The following SESN3 variants were observed in gnomAD, a reference collection of about 807,000 sequenced individuals.
The protein encoded by SESN3 is sestrin-3.
Under a neutral mutation model 55.3 loss-of-function variants are expected in SESN3, and 21 were observed. That is an observed-to-expected ratio of 0.38 (90% CI 0.27 to 0.55). The LOEUF (loss-of-function observed/expected upper bound fraction) is 0.55, where lower values mean the gene tolerates loss of function less well. Among genes scored for constraint, SESN3 ranks in the 20% least tolerant of loss-of-function variants. SESN3 has a pLI of 0.76. For missense variants in SESN3, 408 were observed against 604.3 expected (o/e 0.68, Z 3.41); for synonymous variants, 181 against 203.1 (o/e 0.89, Z 0.93).
chr11:95,226,864 T>C (rs1301045520), intron 1 of SESN3, among the ~76,000 whole-genome samples: 2 of 152,248 alleles, frequency 1.3e-5, no homozygotes, highest in Non-Finnish European at 2.9e-5. Context: ...CTTAAAAATT[T>C]AATGCAACTC....
chr11:95,215,446 G>C (rs568498593), intron 1 of SESN3, among the ~76,000 whole-genome samples: 1 of 152,122 alleles, frequency 6.6e-6, no homozygotes, highest in African/African-American at 2.4e-5. Context: ...CGATAGCTAC[G>C]GTCTGGGGGA....
intron 5 of SESN3, 66 bp downstream of exon 5, chr11:95,185,190 C>G: frequency 1.1e-6 from 1 of 895,654 alleles, no homozygotes. Context: ...AAAATTCTCT[C>G]TAGATATTTT....
Position 95,173,118 on chromosome 11 carries a change from C to CAAAAAAA in SESN3, c.*130_*136dup. 2 of 417,052 alleles carry CAAAAAAA rather than the reference C, an allele frequency of 4.8e-6. No homozygotes were observed. The highest frequency in any genetic ancestry group is 9.9e-5 in the South Asian group (2 of 20,268). 25.8% of individuals were successfully genotyped at this position (417,052 alleles called of 1,614,324 possible). A position where few individuals can be genotyped will look rare whatever the true frequency, so the allele number is the denominator to read the frequency against. ...CATTGCACATTACAGCCGCAAAAAA[C>CAAAAAAA]AAAAAAAAAAAAACAAACGGCTAAA... On this transcript the variant is annotated 3_prime_UTR_variant, in exon 10 of 10. Coordinates refer to ENST00000536441, the MANE Select transcript of SESN3 (RefSeq NM_144665.4).
At chr11:95,227,821 A>G (rs1428890608) in intron 1 of SESN3, among the ~76,000 whole-genome samples, 1 of 152,160 alleles carries the variant, frequency 6.6e-6, no homozygotes, top group Admixed American at 6.5e-5. Flanking sequence ...AAATTAAAGG[A>G]TTATGTTCTT....
Position 95,172,039 on chromosome 11 carries a change from G to A in SESN3, c.*1216C>T, listed in dbSNP as rs1859859656. ...TGTTCAATCCCAGAAAGGTAAAACTGAAAAAAGCCTGTGCAATAAAGAAAT... is the reference window on the plus strand; with the variant it reads ...TGTTCAATCCCAGAAAGGTAAAACTAAAAAAAGCCTGTGCAATAAAGAAAT... On this transcript the variant is annotated 3_prime_UTR_variant, in exon 10 of 10. Transcript: ENST00000536441. 1 of 151,952 alleles carries A rather than the reference G, an allele frequency of 6.6e-6. No individual in the cohort carries two copies. The highest frequency in any genetic ancestry group is 2.4e-5 in the African/African-American group (1 of 41,400). 9.4% of individuals were successfully genotyped at this position (151,952 alleles called of 1,614,324 possible). A position where few individuals can be genotyped will look rare whatever the true frequency, so the allele number is the denominator to read the frequency against.
intron 1 of SESN3, among the ~76,000 whole-genome samples, chr11:95,200,081 T>C (rs1860433767): frequency 1.3e-5 from 2 of 152,102 alleles, no homozygotes; most frequent in Admixed American, 6.6e-5. Flanking sequence ...AAATGGTCTA[T>C]ACAAATAGTA....
Position 95,230,669 on chromosome 11 carries a change from C to T in SESN3, c.78+114G>A. 2.8e-6 allele frequency: 2 copies of T among 709,998 alleles called. No homozygotes were observed. Among genetic ancestry groups the T allele is most frequent in the East Asian group, 2.9e-5 (1 of 34,320 alleles). 44.0% of individuals were successfully genotyped at this position (709,998 alleles called of 1,614,324 possible). A position where few individuals can be genotyped will look rare whatever the true frequency, so the allele number is the denominator to read the frequency against. ...CCCTTTCTCAGTCCCTGCGGAGGGA[C>T]GGTGCCCGGGGATCCCTCTCAGCCT... On this transcript the variant is annotated intron_variant, in intron 1 of 9. Coordinates refer to ENST00000536441, the MANE Select transcript of SESN3 (RefSeq NM_144665.4). This position sits in a 1 kb window ranked among gnomAD's most constrained non-coding sequence, Gnocchi z 4.6.
chr11:95,207,340 C>T (rs1209626930), intron 1 of SESN3, among the ~76,000 whole-genome samples: 1 of 151,344 alleles, frequency 6.6e-6, no homozygotes, highest in East Asian at 1.9e-4. Flanking sequence ...GTAATATATA[C>T]CTGAATGCTA....
At chr11:95,226,949 A>G (rs927885561) in intron 1 of SESN3, among the ~76,000 whole-genome samples, 1 of 152,220 alleles carries the variant, frequency 6.6e-6, no homozygotes, top group Admixed American at 6.5e-5. Flanking sequence ...AAGGTTTGCC[A>G]TCACTAATTA....
At chr11:95,181,853 A>G (rs1024202257) in intron 6 of SESN3, among the ~76,000 whole-genome samples, 1 of 152,126 alleles carries the variant, frequency 6.6e-6, no homozygotes, top group Non-Finnish European at 1.5e-5. Context: ...AAATGACTCA[A>G]TTAGCTATTG....
intron 9 of SESN3, among the ~76,000 whole-genome samples, chr11:95,174,083 A>C (rs996230831): frequency 4.6e-5 from 7 of 152,210 alleles, no homozygotes; most frequent in Admixed American, 4.6e-4. Context: ...TAAATATGGG[A>C]TAAAGACCCA....
In SESN3 at chr11:95,165,865, T is replaced by C. The variant is rs1289786794; in HGVS notation, c.*7390A>G. The C allele has an allele frequency of 6.6e-6, 1 of 152,188 alleles. No homozygotes were observed. Among genetic ancestry groups the C allele is most frequent in the African/African-American group, 2.4e-5 (1 of 41,444 alleles). The allele number at this position is 152,188 out of a possible 1,614,324, so 9.4% of individuals were successfully genotyped here. On this transcript the variant is annotated 3_prime_UTR_variant, in exon 10 of 10. Coordinates refer to ENST00000536441, the MANE Select transcript of SESN3 (RefSeq NM_144665.4). The stretch of plus-strand genomic sequence containing the variant: ...TAAACTGATCCATTTAGGTCAGCTT[T>C]AGTCAGAACTGTAAAATCAGCAAAC...
At chr11:95,207,476 T>C (rs1017233356) in intron 1 of SESN3, among the ~76,000 whole-genome samples, 10 of 151,540 alleles carry the variant, frequency 6.6e-5, no homozygotes, top group African/African-American at 2.4e-4. Flanking sequence ...ATGAGAGACA[T>C]TCCGTGGGGC....
At chr11:95,217,182 ATG>A (rs1389843374) in intron 1 of SESN3, among the ~76,000 whole-genome samples, 1 of 152,066 alleles carries the variant, frequency 6.6e-6, no homozygotes, top group Admixed American at 6.5e-5. Flanking sequence ...TTAAAACCAC[ATG>A]TGTTTAGACT....
rs144373202 is a variant in SESN3, at chr11:95,168,128, T to C, written c.*5127A>G. The C allele has an allele frequency of 5.3e-5, 8 of 152,308 alleles. No homozygotes were observed. The East Asian group carries it at 1.5e-3, about 29-fold the overall frequency. 9.4% of individuals were successfully genotyped at this position (152,308 alleles called of 1,614,324 possible). A position where few individuals can be genotyped will look rare whatever the true frequency, so the allele number is the denominator to read the frequency against. On this transcript the variant is annotated 3_prime_UTR_variant, in exon 10 of 10. Coordinates refer to ENST00000536441, the MANE Select transcript of SESN3 (RefSeq NM_144665.4). ...AGGACCATCTAAATACCCTTTGCCA[T>C]ATGTCATTCTATTAGAAATGTGTTT...
In SESN3 at chr11:95,167,819, C is replaced by T. The variant is rs188861885; in HGVS notation, c.*5436G>A. 3.9e-5 allele frequency: 6 copies of T among 152,318 alleles called. No individual in the cohort carries two copies. Among genetic ancestry groups the T allele is most frequent in the African/African-American group, 1.2e-4 (5 of 41,568 alleles). The allele number at this position is 152,318 out of a possible 1,614,324, so 9.4% of individuals were successfully genotyped here. A position where few individuals can be genotyped will look rare whatever the true frequency, so the allele number is the denominator to read the frequency against. On this transcript the variant is annotated 3_prime_UTR_variant, in exon 10 of 10. Transcript: ENST00000536441. ...GACATAATTTTACATTTATGAACAA[C>T]CTCAAGTGCACCTAGCTGGAGAGAA...
rs1220595977 is a variant in SESN3 at position 95,172,483 on chromosome 11, TA to T, written c.*771del. 1 of 152,178 alleles carries T rather than the reference TA, an allele frequency of 6.6e-6. No individual in the cohort carries two copies. The highest frequency in any genetic ancestry group is 1.5e-5 in the Non-Finnish European group (1 of 68,020). 9.4% of individuals were successfully genotyped at this position (152,178 alleles called of 1,614,324 possible). ...ATTACTGTCAGTGATAGGATTGTGT[TA>T]TAATTCCACTTATATACATCTGATA... On this transcript the variant is annotated 3_prime_UTR_variant, in exon 10 of 10. Transcript: ENST00000536441.
chr11:95,173,476 T>C, intron 9 of SESN3, 135 bp from the exon 10 acceptor site: 1 of 469,278 alleles, frequency 2.1e-6, no homozygotes, highest in Non-Finnish European at 3.9e-6. Flanking sequence ...TTTATCCATG[T>C]TCATGATGCA....
At chr11:95,211,555 CAGG>C (rs1287865378) in intron 1 of SESN3, among the ~76,000 whole-genome samples, 1 of 152,158 alleles carries the variant, frequency 6.6e-6, no homozygotes, top group African/African-American at 2.4e-5. Flanking sequence ...GCCACGAGGT[CAGG>C]AGTTTGAGAC....
Sources: gnomAD v4.1 joint callset for allele counts (sites outside exome capture counted in the v4.1 genomes callset) on GRCh38, gnomAD v4.1.1 for gene constraint, Gnocchi (gnomAD v3.1) non-coding constraint, MANE v1.5 for transcripts, NCBI Gene and HGNC (gene_info 2026-07-23, HGNC 2026-07-21) for gene names.